The following DHX29 variants were observed in gnomAD, a reference collection of about 807,000 sequenced individuals.
The protein encoded by DHX29 is DExH-box helicase 29.
In DHX29, 79 loss-of-function variants were observed where a neutral mutation model predicts 167.9. The ratio of observed to expected loss-of-function variants is 0.47; its 90% CI spans 0.39 to 0.57. The LOEUF (loss-of-function observed/expected upper bound fraction) is 0.57. DHX29 is among the 20% of genes least tolerant of loss of function. DHX29 has a pLI of 0.00. For missense variants in DHX29, 1,347 were observed against 1,593.4 expected, an observed-to-expected ratio of 0.85 and a Z score of 2.63; for synonymous variants, 530 against 546.0, an observed-to-expected ratio of 0.97 and a Z score of 0.41.
intron 14 of DHX29, 113 bp from the exon 15 acceptor site, chr5:55,275,123 T>C (rs1488820611): frequency 1.3e-5 from 16 of 1,218,552 alleles, no homozygotes; most frequent in Non-Finnish European, 1.4e-5. Flanking sequence ...TTTCTCATTG[T>C]CACCATTACT....
rs1746794327 is a variant in DHX29, at chr5:55,270,415, A to C, written c.3066T>G (p.Ile1022Met). Residue 1022 changes from isoleucine to methionine, a missense_variant, in exon 20 of 27, where the codon ATT (isoleucine) becomes ATG (methionine). By Grantham distance (10) the Ile-to-Met change is conservative (BLOSUM62 1). This residue lies in a region of DHX29 where 882 missense variants were observed against 1,082.4 expected (regional missense o/e 0.81). Transcript: ENST00000251636. ...ATCCGAGTTCCCTTGAGATTACCAT[A>C]ATATGAAGGCATAATTCCTCCAAAG... ...RVPLEELCLH[I>M]MKCNLGSPED... 6.2e-7 allele frequency: 1 copy of C among 1,607,184 alleles called. No individual in the cohort carries two copies. Among genetic ancestry groups the C allele is most frequent in the Non-Finnish European group, 8.5e-7 (1 of 1,177,334 alleles).
At chr5:55,272,665 G>A (rs1488169800) in intron 17 of DHX29, among the ~76,000 whole-genome samples, 3 of 152,058 alleles carry the variant, frequency 2.0e-5, no homozygotes, top group African/African-American at 7.2e-5. Context: ...CCCAGGAGGC[G>A]GAGGTTGCAG....
At chr5:55,273,935 A>T (rs1008448429) in intron 16 of DHX29, among the ~76,000 whole-genome samples, 32 of 152,074 alleles carry the variant, frequency 2.1e-4, no homozygotes, top group Non-Finnish European at 3.7e-4. Flanking sequence ...AAAAATATAA[A>T]AATTAGCTGG....
chr5:55,263,230 G>T (rs1291873988), intron 23 of DHX29, among the ~76,000 whole-genome samples: 1 of 152,062 alleles, frequency 6.6e-6, no homozygotes, highest in Non-Finnish European at 1.5e-5. Flanking sequence ...TACTTCCATA[G>T]TAGCTCTCCT....
Position 55,281,497 on chromosome 5 carries a change from G to A in DHX29, c.1984C>T (p.Gln662Ter). The A allele has an allele frequency of 6.3e-7, 1 of 1,592,808 alleles. No homozygotes were observed. Among genetic ancestry groups the A allele is most frequent in the Non-Finnish European group, 8.5e-7 (1 of 1,170,144 alleles). ...PGGRNSLCGY[Q>*]IRMESRACES... The stretch of plus-strand genomic sequence containing the variant: ...CAAGCTCGAGATTCCATCCGGATCT[G>A]ATATCCACACAAGGAATTCTAAAGG... The change falls in exon 12 of 27, where the codon CAG (glutamine) becomes TAG (stop). Residue 662 changes from glutamine (Q) to a stop codon, truncating the protein, a stop_gained. Coordinates refer to ENST00000251636, the MANE Select transcript of DHX29 (RefSeq NM_019030.4). LOFTEE classifies it high-confidence loss of function.
In DHX29 at chr5:55,289,380, A is replaced by G; in HGVS notation, c.956T>C (p.Ile319Thr). Residue 319 changes from isoleucine (I) to threonine (T), a missense_variant, in exon 8 of 27, where the codon ATT becomes ACT. This residue lies in a region of DHX29 where 405 missense variants were observed against 416.8 expected (regional missense o/e 0.97). Coordinates refer to ENST00000251636, the MANE Select transcript of DHX29 (RefSeq NM_019030.4). ...DHPVFNPAMK[I>T]SHQQNERKKP... ...TTTCCTTTCATTTTGTTGATGTGAA[A>G]TCTTCATGGCTGGGTTAAATACTGG... The G allele has an allele frequency of 6.2e-7, 1 of 1,601,370 alleles. No homozygotes were observed. Among genetic ancestry groups the G allele is most frequent in the Non-Finnish European group, 8.5e-7 (1 of 1,176,244 alleles).
At chr5:55,282,095 T>C (rs369811467) in intron 11 of DHX29, among the ~76,000 whole-genome samples, 22 of 152,312 alleles carry the variant, frequency 1.4e-4, no homozygotes, top group African/African-American at 4.1e-4. Context: ...CCCAAAATTT[T>C]TGTTCTTTTC....
At chr5:55,277,455 T>G (rs1438921387) in intron 12 of DHX29, among the ~76,000 whole-genome samples, 173 bp from the exon 13 acceptor site, 1 of 152,094 alleles carries the variant, frequency 6.6e-6, no homozygotes, top group Non-Finnish European at 1.5e-5. Context: ...TCTTCAGAAC[T>G]GAAAATAAAG....
chr5:55,259,905 C>T lies in DHX29; in HGVS notation c.4000G>A (p.Val1334Ile), dbSNP rs141019647. ...KIAVIFKQLRVLIDSVLRKKL... is the reference protein window; with the variant it reads ...KIAVIFKQLRILIDSVLRKKL... ...TTTCTTAAAACTGAATCAATGAGAA[C>T]TCTCAGCTGCTTGAAAATGACAGCT... Residue 1334 changes from valine to isoleucine, a missense_variant, in exon 26 of 27, where the codon GTT becomes ATT. Val to Ile is a conservative substitution (Grantham distance 29, BLOSUM62 3). Transcript: ENST00000251636. The T allele has an allele frequency of 1.1e-4, 176 of 1,612,552 alleles. No homozygotes were observed. The highest frequency in any genetic ancestry group is 6.2e-4 in the Admixed American group (37 of 59,938).
chr5:55,286,253 CAAA>C (rs562645545), intron 8 of DHX29, among the ~76,000 whole-genome samples: 6 of 84,878 alleles, frequency 7.1e-5, no homozygotes, highest in Admixed American at 2.7e-4. Context: ...CACTCCGTCT[CAAA>C]AAAAAAAAAA....
intron 23 of DHX29, among the ~76,000 whole-genome samples, chr5:55,264,747 A>G (rs1482846517): frequency 6.6e-6 from 1 of 152,232 alleles, no homozygotes; most frequent in African/African-American, 2.4e-5. Context: ...AAAAAACAAG[A>G]TTCACTGATT....
At chr5:55,306,072 T>G (rs902576536) in intron 1 of DHX29, among the ~76,000 whole-genome samples, 1 of 152,156 alleles carries the variant, frequency 6.6e-6, no homozygotes, top group East Asian at 1.9e-4. Context: ...AAGAGGCTGA[T>G]CCACAGAATA....
At chr5:55,281,864 C>A (rs1747437670) in intron 11 of DHX29, among the ~76,000 whole-genome samples, 1 of 150,934 alleles carries the variant, frequency 6.6e-6, no homozygotes, top group African/African-American at 2.4e-5. Context: ...CAGCTCACTG[C>A]AACTTCCACC....
At chr5:55,264,347 C>T (rs1746451740) in intron 23 of DHX29, among the ~76,000 whole-genome samples, 1 of 152,144 alleles carries the variant, frequency 6.6e-6, no homozygotes, top group African/African-American at 2.4e-5. Flanking sequence ...GGTTTCCGTT[C>T]CTAAGAACAG....
chr5:55,294,045 C>G lies in DHX29; in HGVS notation c.752G>C (p.Ser251Thr). Residue 251 changes from serine (S) to threonine (T), a missense_variant, in exon 6 of 27, where the codon AGT (serine) becomes ACT (threonine). Transcript: ENST00000251636. ...GTCAAATTTTTCCTCCTCTTCTAAA[C>G]TTTTAGAATTCTCATTCTTTTCTTC... is the stretch of plus-strand genomic sequence containing the variant. ...NEEEKNENSKSLEEEEKFDPN... is the reference protein window; with the variant it reads ...NEEEKNENSKTLEEEEKFDPN... The G allele has an allele frequency of 1.2e-6, 2 of 1,608,536 alleles. No homozygotes were observed. The highest frequency in any genetic ancestry group is 1.7e-6 in the Non-Finnish European group (2 of 1,178,244).
chr5:55,268,334 C>G (rs1746683806), intron 21 of DHX29, among the ~76,000 whole-genome samples: 1 of 152,152 alleles, frequency 6.6e-6, no homozygotes, highest in Non-Finnish European at 1.5e-5. Context: ...ATTTTTTGAA[C>G]TTGGCAAAAT....
intron 8 of DHX29, among the ~76,000 whole-genome samples, chr5:55,287,938 G>GAAAA (rs1247600043): frequency 2.4e-5 from 2 of 81,748 alleles, no homozygotes. Flanking sequence ...TGGAAAAAAA[G>GAAAA]AAAAAAAAAA....
rs201591666 is a variant in DHX29, at chr5:55,262,971, G to C, written c.3526-39C>G. The C allele has an allele frequency of 2.1e-6, 3 of 1,441,652 alleles. No homozygotes were observed. The East Asian group carries it at 6.9e-5, about 33-fold the overall frequency. 89.3% of individuals were successfully genotyped at this position (1,441,652 alleles called of 1,614,324 possible). On this transcript the variant is annotated intron_variant, in intron 23 of 26. Transcript: ENST00000251636. ...TGTTAAAAACACAAATAATCAAATTGATTAGAGGAATTTCCAAATAACATT... is the reference window on the plus strand; with the variant it reads ...TGTTAAAAACACAAATAATCAAATTCATTAGAGGAATTTCCAAATAACATT...
intron 9 of DHX29, 120 bp from the exon 10 acceptor site, chr5:55,285,536 C>T (rs1747676499): frequency 8.1e-7 from 1 of 1,233,442 alleles, no homozygotes; most frequent in Non-Finnish European, 1.1e-6. Flanking sequence ...CCATGGAAGG[C>T]ATTATTAGAT....
Sources: allele counts gnomAD v4.1 joint callset (sites outside exome capture counted in the v4.1 genomes callset), GRCh38; gene constraint gnomAD v4.1.1; regional missense constraint gnomAD v4.1.1; transcripts MANE v1.5; gene names NCBI Gene and HGNC (gene_info 2026-07-23, HGNC 2026-07-21).